Variants in MCCC1 observed in about 807,000 individuals in gnomAD.
The protein encoded by MCCC1 is methylcrotonyl-CoA carboxylase subunit 1, also known as methylcrotonoyl-CoA carboxylase subunit alpha, mitochondrial.
MCCC1 carries 64 observed loss-of-function variants against 83.8 expected under a neutral mutation model. The observed-to-expected ratio is 0.76, with a 90% CI of 0.62 to 0.94. The LOEUF (loss-of-function observed/expected upper bound fraction) is 0.94, where lower values mean the gene tolerates loss of function less well. MCCC1 is among the 40% of genes least tolerant of loss of function. The pLI, the probability that MCCC1 is intolerant of heterozygous loss-of-function variation, is 0.00. For missense variants in MCCC1, 807 were observed against 904.7 expected, an observed-to-expected ratio of 0.89 and a Z score of 1.39; for synonymous variants, 322 against 315.4, an observed-to-expected ratio of 1.02 and a Z score of -0.22.
chr3:183,107,242 T>C (rs1038110701), intron 1 of MCCC1, among the ~76,000 whole-genome samples: 2 of 151,266 alleles, frequency 1.3e-5, no homozygotes, highest in Non-Finnish European at 2.9e-5. Context: ...CCATCTCTAC[T>C]AAGAATAAAA....
intron 1 of MCCC1, among the ~76,000 whole-genome samples, chr3:183,108,469 T>A (rs966469121): frequency 6.6e-6 from 1 of 151,932 alleles, no homozygotes; most frequent in African/African-American, 2.4e-5. Flanking sequence ...CTGTAAATAT[T>A]TTTTTTTGAC....
rs796051985 is a variant in MCCC1 at position 183,041,639 on chromosome 3, CCA to C, written c.1193_1194del (p.Val398GlyfsTer19). ...AEDPSNNFMPVAGPLVHLSTP... is the reference protein window; with the variant it reads ...AEDPSNNFMPXAGPLVHLSTP... ...GTAGAGAGGTGCACTAATGGGCCTG[CCA>C]CAGGCATGAAGTTATTGCTAGGATC... On this transcript the variant is annotated frameshift_variant, in exon 11 of 19. Coordinates refer to ENST00000265594, the MANE Select transcript of MCCC1 (RefSeq NM_020166.5). LOFTEE classifies it high-confidence loss of function. 13 of 1,614,066 alleles carry C rather than the reference CCA, an allele frequency of 8.1e-6. No individual in the cohort carries two copies. The highest frequency in any genetic ancestry group is 1.1e-5 in the Non-Finnish European group (13 of 1,180,036).
chr3:183,089,422 G>T (rs116204134), intron 3 of MCCC1, among the ~76,000 whole-genome samples: 4,419 of 152,076 alleles, frequency 0.029, 220 homozygotes, highest in African/African-American at 0.1. Context: ...CAGCGCTTTG[G>T]GACAACATAG....
chr3:183,108,572 G>A lies in MCCC1; in HGVS notation c.-102+6902C>T, dbSNP rs531119902. Among the ~76,000 whole-genome samples the A allele has an allele frequency of 4.6e-5, 7 of 152,122 alleles. No homozygotes were observed. In the South Asian group the frequency reaches 8.3e-4, roughly 18 times the overall value. ...ACTTCTGAATAATTTTCTGCACTTC[G>A]CAAAGTTCTACAAGAAACAGACATG... On this transcript the variant is annotated intron_variant, in intron 1 of 17. Coordinates refer to the MCCC1 transcript ENST00000492597.
intron 17 of MCCC1, among the ~76,000 whole-genome samples, chr3:183,019,714 C>T (rs186873466): frequency 9.2e-4 from 140 of 152,320 alleles, no homozygotes; most frequent in Middle Eastern, 3.4e-3. Context: ...CCGTACTGTT[C>T]TTCACCAATA....
Position 183,049,674 on chromosome 3 carries a change from A to AAC in MCCC1, c.955+2483_955+2484dup, listed in dbSNP as rs761419692. Among the ~76,000 whole-genome samples the AAC allele has an allele frequency of 5.9e-5, 9 of 152,314 alleles. No homozygotes were observed. The East Asian group carries it at 1.7e-3, about 29-fold the overall frequency. On this transcript the variant is annotated intron_variant, in intron 9 of 18. Coordinates refer to ENST00000265594, the MANE Select transcript of MCCC1 (RefSeq NM_020166.5). ...AGAAAATACAAATTGCTAGTAACGG[A>AAC]ACAAAAAGAGGTCTATTACTACAGG...
chr3:183,070,912 T>C (rs1247355073), intron 7 of MCCC1, 87 bp downstream of exon 7: 18 of 1,414,152 alleles, frequency 1.3e-5, no homozygotes, highest in Middle Eastern at 2.1e-4. Context: ...TATATACTAC[T>C]ACAGTTTTAT....
upstream of MCCC1, among the ~76,000 whole-genome samples, chr3:183,103,269 A>G (rs774246327): frequency 5.3e-5 from 8 of 152,078 alleles, no homozygotes; most frequent in Non-Finnish European, 1.0e-4. Context: ...AAGCTTCCAC[A>G]GTGTGGAAGC....
chr3:183,030,659 G>A (rs77506394), intron 14 of MCCC1, among the ~76,000 whole-genome samples: 3,975 of 152,226 alleles, frequency 0.026, 187 homozygotes, highest in African/African-American at 0.092. Flanking sequence ...CTAAAGTACA[G>A]GAACTCCAGG....
At chr3:183,094,096 T>G (rs939723619) in intron 2 of MCCC1, among the ~76,000 whole-genome samples, 1 of 150,824 alleles carries the variant, frequency 6.6e-6, no homozygotes, top group African/African-American at 2.4e-5. Context: ...TCGCCCAGGC[T>G]GGAGTGCAGT....
At chr3:183,023,908 T>C (rs1712362566) in intron 15 of MCCC1, among the ~76,000 whole-genome samples, 1 of 152,202 alleles carries the variant, frequency 6.6e-6, no homozygotes, top group Non-Finnish European at 1.5e-5. Context: ...ATGACCTATG[T>C]GTTCCTTGGG....
At chr3:183,070,465 T>C (rs1047184122) in intron 7 of MCCC1, among the ~76,000 whole-genome samples, 2 of 152,228 alleles carry the variant, frequency 1.3e-5, no homozygotes, top group Non-Finnish European at 2.9e-5. Context: ...CCGGGCACAG[T>C]GGCTCACGCC....
chr3:183,069,367 T>G (rs1241176468), intron 7 of MCCC1, among the ~76,000 whole-genome samples: 1 of 152,196 alleles, frequency 6.6e-6, no homozygotes, highest in Non-Finnish European at 1.5e-5. Flanking sequence ...CTGAAATAAG[T>G]TACTGAAATA....
chr3:183,015,715 GT>G, intron 18 of MCCC1, 149 bp from the exon 19 acceptor site: 1 of 962,898 alleles, frequency 1.0e-6, no homozygotes, highest in East Asian at 2.4e-5. Flanking sequence ...CTTTGTTGTT[GT>G]TGTTGTTTTT....
chr3:183,073,218 G>T (rs560673432), intron 4 of MCCC1, among the ~76,000 whole-genome samples: 1 of 152,246 alleles, frequency 6.6e-6, no homozygotes, highest in African/African-American at 2.4e-5. Flanking sequence ...GGATCATATG[G>T]TACAGAAGTT....
At chr3:183,077,743 C>A (rs1441192440) in intron 4 of MCCC1, among the ~76,000 whole-genome samples, 1 of 152,092 alleles carries the variant, frequency 6.6e-6, no homozygotes, top group Non-Finnish European at 1.5e-5. Context: ...TTAGCTCTTA[C>A]ATTTAGGTCT....
chr3:183,033,517 G>C (rs1713255502), intron 14 of MCCC1, among the ~76,000 whole-genome samples: 1 of 152,196 alleles, frequency 6.6e-6, no homozygotes, highest in African/African-American at 2.4e-5. Context: ...CAGCTCTGCA[G>C]TGACCCACTT....
At chr3:183,017,445 C>A in intron 17 of MCCC1, 108 bp from the exon 18 acceptor site, 1 of 973,266 alleles carries the variant, frequency 1.0e-6, no homozygotes, top group South Asian at 1.3e-5. Flanking sequence ...CTCATAACAT[C>A]ATGTTGCAAA....
chr3:183,113,930 C>T (rs1719545257), intron 1 of MCCC1, among the ~76,000 whole-genome samples: 1 of 152,086 alleles, frequency 6.6e-6, no homozygotes, highest in Non-Finnish European at 1.5e-5. Context: ...GGGGTGAGCC[C>T]TCAACCCGTG....
Sources: allele counts gnomAD v4.1 joint callset (sites outside exome capture counted in the v4.1 genomes callset), GRCh38; gene constraint gnomAD v4.1.1; transcripts MANE v1.5; gene names NCBI Gene and HGNC (gene_info 2026-07-23, HGNC 2026-07-21).